The following GNAI1 variants were observed in gnomAD, a reference collection of about 807,000 sequenced individuals.
The protein encoded by GNAI1 is guanine nucleotide-binding protein G(i) subunit alpha-1.
A neutral mutation model predicts 38.9 loss-of-function variants in GNAI1; 11 were observed. That is an observed-to-expected ratio of 0.28 (90% confidence interval 0.18 to 0.47). The LOEUF is 0.47. Ranked by LOEUF, GNAI1 falls within the 20% of genes least tolerant of loss-of-function variation. The pLI is 0.99. For synonymous variants in GNAI1, 166 were observed against 145.1 expected (o/e 1.14, Z -1.04); for missense variants, 317 against 436.9 (o/e 0.73, Z 2.45).
rs190349246 is a variant in GNAI1 at position 80,218,549 on chromosome 7, G to A, written c.*1056G>A. The A allele has an allele frequency of 2.0e-5, 3 of 151,970 alleles. No homozygotes were observed. The highest frequency in any genetic ancestry group is 2.0e-4 in the Admixed American group (3 of 15,240). The allele number at this position is 151,970 out of a possible 1,614,324, so 9.4% of individuals were successfully genotyped here. ...TAGCATACATGATAGCTCCTTGTTG[G>A]GAAGATAACAAGAAGGATCTTTGAA... is the stretch of plus-strand genomic sequence containing the variant. On this transcript the variant is annotated 3_prime_UTR_variant, in exon 8 of 8. Transcript: ENST00000649796.
At chr7:80,159,593 C>A (rs1269650793) in intron 1 of GNAI1, among the ~76,000 whole-genome samples, 2 of 152,164 alleles carry the variant, frequency 1.3e-5, no homozygotes, top group Non-Finnish European at 2.9e-5. Flanking sequence ...ATATCCATGA[C>A]TTTAAACATT....
intron 1 of GNAI1, among the ~76,000 whole-genome samples, chr7:80,177,491 G>T (rs1046021980): frequency 6.6e-6 from 1 of 152,130 alleles, no homozygotes; most frequent in Non-Finnish European, 1.5e-5. Flanking sequence ...TGTTGTTGTT[G>T]CTGTTTTTAG....
chr7:80,140,737 T>A (rs954834317), intron 1 of GNAI1, among the ~76,000 whole-genome samples: 2 of 152,226 alleles, frequency 1.3e-5, no homozygotes, highest in African/African-American at 4.8e-5. Flanking sequence ...GCAAAAAATT[T>A]TTTTTAATGA....
At chr7:80,146,742 A>G (rs1787630221) in intron 1 of GNAI1, among the ~76,000 whole-genome samples, 1 of 152,012 alleles carries the variant, frequency 6.6e-6, no homozygotes. Context: ...GTTCTTTTCC[A>G]TTTATCCATT....
intron 3 of GNAI1, among the ~76,000 whole-genome samples, chr7:80,193,247 C>A (rs1788512588): frequency 6.6e-6 from 1 of 152,040 alleles, no homozygotes; most frequent in Non-Finnish European, 1.5e-5. Flanking sequence ...ACCAAAACAG[C>A]TTGTTGACTT....
At chr7:80,139,144 A>T (rs1228891623) in intron 1 of GNAI1, among the ~76,000 whole-genome samples, 1 of 143,696 alleles carries the variant, frequency 7.0e-6, no homozygotes, top group African/African-American at 2.8e-5. Context: ...CATACCTTGT[A>T]TTAGTTACTT....
intron 1 of GNAI1, among the ~76,000 whole-genome samples, chr7:80,138,051 C>A (rs201618144): frequency 6.6e-6 from 1 of 152,074 alleles, no homozygotes; most frequent in East Asian, 1.9e-4. Flanking sequence ...AATGTAAAAT[C>A]GTTTCTAGGT....
intron 1 of GNAI1, among the ~76,000 whole-genome samples, chr7:80,156,042 CAA>C (rs1182960135): frequency 4.4e-5 from 3 of 68,522 alleles, no homozygotes; most frequent in Non-Finnish European, 6.0e-5. Context: ...GACTCTGTCT[CAA>C]AAAAAAAAAA....
chr7:80,136,573 C>T (rs1787421421), intron 1 of GNAI1, among the ~76,000 whole-genome samples: 1 of 152,118 alleles, frequency 6.6e-6, no homozygotes, highest in South Asian at 2.1e-4. Flanking sequence ...CACCCTGTCG[C>T]CCCCAACATA....
rs1249960415 is a variant in GNAI1 at position 80,202,305 on chromosome 7, G to A, written c.462-1399G>A. 2.0e-5 allele frequency among the ~76,000 whole-genome samples: 3 copies of A among 152,230 alleles called. No homozygotes were observed. In the South Asian group the frequency reaches 6.2e-4, roughly 32 times the overall value. On this transcript the variant is annotated intron_variant, in intron 4 of 7. Coordinates refer to ENST00000649796, the MANE Select transcript of GNAI1 (RefSeq NM_002069.6). ...GGGTTTCACCATGTTGGCCAGGATG[G>A]TCTTGATTGCCTGACCTCGTGATCC...
At chr7:80,190,137 G>A (rs1238782631) in intron 3 of GNAI1, among the ~76,000 whole-genome samples, 3 of 151,852 alleles carry the variant, frequency 2.0e-5, no homozygotes, top group Non-Finnish European at 4.4e-5. Flanking sequence ...TTGTCTTAGT[G>A]TCAGCTAGAT....
At position 80,220,179 on chromosome 7, in the gene GNAI1, C is replaced by T. The variant is rs1789046003; in HGVS notation, c.*2686C>T. On this transcript the variant is annotated 3_prime_UTR_variant, in exon 8 of 8. Coordinates refer to ENST00000649796, the MANE Select transcript of GNAI1 (RefSeq NM_002069.6). ...ATCACCTGAGGCCTGTTCCTTTCTA[C>T]ACTGTATCCAAATAGTGTCCTGTGC... Among the ~76,000 whole-genome samples the T allele has an allele frequency of 6.6e-6, 1 of 152,158 alleles. No homozygotes were observed. The highest frequency in any genetic ancestry group is 2.1e-4 in the South Asian group (1 of 4,830).
At chr7:80,144,970 A>G (rs1033618226) in intron 1 of GNAI1, among the ~76,000 whole-genome samples, 5 of 152,182 alleles carry the variant, frequency 3.3e-5, no homozygotes, top group African/African-American at 4.8e-5. Flanking sequence ...TGCTGGGACT[A>G]TAAGATGGTG....
intron 1 of GNAI1, among the ~76,000 whole-genome samples, chr7:80,150,340 G>A (rs943161020): frequency 2.0e-5 from 3 of 152,194 alleles, no homozygotes; most frequent in Non-Finnish European, 2.9e-5. Flanking sequence ...TATACTGAAA[G>A]TGAAATACTA....
chr7:80,217,214 T>TCAGTTTCATATGTATGAAACTGACTC, intron 7 of GNAI1, 89 bp from the exon 8 acceptor site: 2 of 828,964 alleles, frequency 2.4e-6, no homozygotes, highest in Non-Finnish European at 3.7e-6. Flanking sequence ...GAAACTGACT[T>TCAGTTTCATATGTATGAAACTGACTC]CAGTTTCATA....
chr7:80,174,455 GT>G lies in GNAI1; in HGVS notation c.119-14483del, dbSNP rs546784682. 1.7e-3 allele frequency among the ~76,000 whole-genome samples: 221 copies of G among 127,776 alleles called. 1 individual carries two copies. The highest frequency in any genetic ancestry group is 7.9e-3 in the Middle Eastern group (2 of 252). The allele number at this position is 127,776 out of a possible 152,430, so 83.8% of individuals were successfully genotyped here. The stretch of plus-strand genomic sequence containing the variant: ...ATGAATAGTTTTTGTATCTTCTGCT[GT>G]TTTTTTTTTTTTAGAATATTGGTAT... On this transcript the variant is annotated intron_variant, in intron 1 of 7. Transcript: ENST00000649796.
At chr7:80,167,665 A>G (rs929331529) in intron 1 of GNAI1, among the ~76,000 whole-genome samples, 10 of 152,212 alleles carry the variant, frequency 6.6e-5, no homozygotes, top group Admixed American at 6.5e-4. Context: ...TAAAAGTTGG[A>G]TGCTTGTTTC....
chr7:80,197,997 A>AAT (rs1189763111), intron 3 of GNAI1, among the ~76,000 whole-genome samples: 25 of 152,134 alleles, frequency 1.6e-4, no homozygotes, highest in Non-Finnish European at 3.2e-4. Flanking sequence ...CCACCCAGTT[A>AAT]TCTTAAAGCT....
At chr7:80,141,684 G>T (rs1787528487) in intron 1 of GNAI1, among the ~76,000 whole-genome samples, 1 of 152,136 alleles carries the variant, frequency 6.6e-6, no homozygotes, top group African/African-American at 2.4e-5. Context: ...TGGTCTGACA[G>T]CATTATTTCA....
Sources: allele counts gnomAD v4.1 joint callset (sites outside exome capture counted in the v4.1 genomes callset), GRCh38; gene constraint gnomAD v4.1.1; transcripts MANE v1.5; gene names NCBI Gene and HGNC (gene_info 2026-07-23, HGNC 2026-07-21).